The following DHCR24 variants were observed in gnomAD, a reference collection of about 807,000 sequenced individuals.
DHCR24 encodes the protein delta(24)-sterol reductase.
A neutral mutation model predicts 61.2 loss-of-function variants in DHCR24; 28 were observed. The ratio of observed to expected loss-of-function variants is 0.46; its 90% CI spans 0.34 to 0.63. DHCR24 has a LOEUF of 0.63. Among genes scored for constraint, DHCR24 ranks in the 20% least tolerant of loss-of-function variants. The pLI is 0.01. For synonymous variants in DHCR24, 261 were observed against 275.9 expected (o/e 0.95, Z 0.54); for missense variants, 538 against 679.1 (o/e 0.79, Z 2.31).
intron 6 of DHCR24, among the ~76,000 whole-genome samples, chr1:54,857,093 A>G (rs1409175578): frequency 6.6e-6 from 1 of 152,238 alleles, no homozygotes; most frequent in East Asian, 1.9e-4. Context: ...TTCCTTTTCC[A>G]GTCTTAGCCT....
chr1:54,867,119 C>T (rs1282898026), intron 5 of DHCR24, among the ~76,000 whole-genome samples: 1 of 152,204 alleles, frequency 6.6e-6, no homozygotes, highest in African/African-American at 2.4e-5. Context: ...CACACACCAG[C>T]TGAGGAGGCC....
intron 6 of DHCR24, among the ~76,000 whole-genome samples, chr1:54,858,165 G>A (rs6676774): frequency 0.42 from 64,239 of 152,230 alleles, 14,113 homozygotes; most frequent in Admixed American, 0.52. Context: ...GGAGGCACCC[G>A]TTCCCCCAGC....
chr1:54,884,097 A>T (rs904724368), intron 1 of DHCR24, among the ~76,000 whole-genome samples: 8 of 152,190 alleles, frequency 5.3e-5, no homozygotes, highest in Admixed American at 1.3e-4. Context: ...AAAAATGAGG[A>T]CCATTTACTG....
chr1:54,872,788 A>T (rs1647007043), intron 4 of DHCR24, among the ~76,000 whole-genome samples: 1 of 152,240 alleles, frequency 6.6e-6, no homozygotes, highest in Non-Finnish European at 1.5e-5. Context: ...ATAGGTCAAA[A>T]GACAGGGCCC....
At chr1:54,886,655 T>C in intron 1 of DHCR24, 1 of 1,497,062 alleles carries the variant, frequency 6.7e-7, no homozygotes, top group South Asian at 1.2e-5. Context: ...CCCTTCTTCA[T>C]CTCCCTCCAG....
intron 8 of DHCR24, among the ~76,000 whole-genome samples, chr1:54,852,645 C>A (rs1406467994): frequency 1.3e-5 from 2 of 152,194 alleles, no homozygotes; most frequent in Non-Finnish European, 2.9e-5. Flanking sequence ...GCTTCTGCCC[C>A]TCTGCTTGGC....
In DHCR24 at chr1:54,854,249, T is replaced by G. The variant is rs769563231; in HGVS notation, c.1021-15A>C. 5.6e-6 allele frequency: 9 copies of G among 1,608,096 alleles called. No homozygotes were observed. The highest frequency in any genetic ancestry group is 7.6e-6 in the Non-Finnish European group (9 of 1,177,158). On this transcript the variant is annotated splice_polypyrimidine_tract_variant and intron_variant, in intron 6 of 8. Transcript: ENST00000371269. ...GGGATAATGTCCTGGAAAACAAAGA[T>G]TAGGGTTGGAGAGAAAAAAACCAAC...
rs191483720 is a variant in DHCR24, at chr1:54,876,665, A to C, written c.388-618T>G. Reference sequence around the variant, plus strand: ...TGAGACTCCGTCTCAAACAAACAAAAAAAAAATTCACCCTTCCTAGTTCTT... The same window carrying C: ...TGAGACTCCGTCTCAAACAAACAAACAAAAAATTCACCCTTCCTAGTTCTT... On this transcript the variant is annotated intron_variant, in intron 2 of 8. Transcript: ENST00000371269. Among the ~76,000 whole-genome samples the C allele has an allele frequency of 2.6e-3, 390 of 151,986 alleles. 3 individuals carry two copies. The highest frequency in any genetic ancestry group is 6.8e-3 in the African/African-American group (284 of 41,462).
At chr1:54,852,606 A>AGAGTCAG (rs2101554090) in intron 8 of DHCR24, among the ~76,000 whole-genome samples, 1 of 152,326 alleles carries the variant, frequency 6.6e-6, no homozygotes, top group African/African-American at 2.4e-5. Flanking sequence ...CAGTGGAGGT[A>AGAGTCAG]GAGTCAGGAG....
chr1:54,878,514 C>CAAAAAAAAAAAAAAAAAAAAAAAAAA (rs56198608), intron 2 of DHCR24, among the ~76,000 whole-genome samples: 1 of 54,298 alleles, frequency 1.8e-5, no homozygotes, highest in Admixed American at 3.1e-4. Flanking sequence ...AACTCTGTCT[C>CAAAAAAAAAAAAAAAAAAAAAAAAAA]AAAAAAAAAA....
chr1:54,867,965 G>A (rs1646976284), intron 5 of DHCR24, among the ~76,000 whole-genome samples: 1 of 152,248 alleles, frequency 6.6e-6, no homozygotes, highest in Admixed American at 6.5e-5. Context: ...CCAGGAGTCA[G>A]AAGCTGGAAT....
rs1646880220 is a variant in DHCR24, at chr1:54,852,286, G to C, written c.1498C>G (p.Gln500Glu). ...TCGTACACCTCGGGGAAGGCGTCCT[G>C]GCAACCCAGCTTCTCTCGCAGCTTG... ...YHKLREKLGC[Q>E]DAFPEVYDKI... The change falls in exon 9 of 9, where the codon CAG (glutamine) becomes GAG (glutamate). Residue 500 changes from glutamine to glutamate, a missense_variant. By Grantham distance (29) the Gln-to-Glu change is conservative. Coordinates refer to ENST00000371269, the MANE Select transcript of DHCR24 (RefSeq NM_014762.4). 2.5e-6 allele frequency: 4 copies of C among 1,614,208 alleles called. No homozygotes were observed. Among genetic ancestry groups the C allele is most frequent in the African/African-American group, 1.3e-5 (1 of 75,070 alleles).
rs1003997326 is a variant in DHCR24 at position 54,859,338 on chromosome 1, T to C, written c.1021-5104A>G. ...ACCCAGATCAGCCACTCCCAAATCCTTGACCTTCAGAAACTATGATATAAT... is the reference window on the plus strand; with the variant it reads ...ACCCAGATCAGCCACTCCCAAATCCCTGACCTTCAGAAACTATGATATAAT... On this transcript the variant is annotated intron_variant, in intron 6 of 8. Transcript: ENST00000371269. 2.6e-5 allele frequency among the ~76,000 whole-genome samples: 4 copies of C among 152,228 alleles called. No individual in the cohort carries two copies. In the East Asian group the frequency reaches 5.8e-4, roughly 22 times the overall value.
At chr1:54,886,558 C>G in intron 1 of DHCR24, 1 of 1,330,416 alleles carries the variant, frequency 7.5e-7, no homozygotes, top group East Asian at 4.1e-5. Context: ...ATCTCTAGAC[C>G]CAGCTCCACC....
rs778868306 is a variant in DHCR24, at chr1:54,871,391, T to C, written c.835A>G (p.Ile279Val). Residue 279 changes from isoleucine to valine, a missense_variant, in exon 5 of 9, where the codon ATT becomes GTT. By Grantham distance (29) the Ile-to-Val change is conservative. Coordinates refer to ENST00000371269, the MANE Select transcript of DHCR24 (RefSeq NM_014762.4). The stretch of plus-strand genomic sequence containing the variant: ...TCATCTGTCATGACCCCTGTCATAA[T>C]GACAGCCTCATCCAGGGAGTAGAGC... ...GLLYSLDEAV[I>V]MTGVMTDEAE... 5.6e-6 allele frequency: 9 copies of C among 1,614,168 alleles called. 1 individual carries two copies. The East Asian group carries it at 8.9e-5, about 16-fold the overall frequency.
At chr1:54,854,295 T>C in intron 6 of DHCR24, 61 bp from the exon 7 acceptor site, 1 of 1,480,218 alleles carries the variant, frequency 6.8e-7, no homozygotes, top group East Asian at 2.3e-5. Context: ...TGTCTCCAAG[T>C]GCAAGGGGCC....
At chr1:54,882,308 A>C (rs921393135) in intron 2 of DHCR24, among the ~76,000 whole-genome samples, 2 of 152,188 alleles carry the variant, frequency 1.3e-5, no homozygotes, top group Non-Finnish European at 2.9e-5. Flanking sequence ...AAACTACTAC[A>C]CATCTATTAG....
rs973371311 is a variant in DHCR24, at chr1:54,887,148, G to A, written c.-29C>T. The A allele has an allele frequency of 2.6e-6, 4 of 1,532,148 alleles. No individual in the cohort carries two copies. Among genetic ancestry groups the A allele is most frequent in the African/African-American group, 1.4e-5 (1 of 72,732 alleles). 94.9% of individuals were successfully genotyped at this position (1,532,148 alleles called of 1,614,324 possible). On this transcript the variant is annotated 5_prime_UTR_variant, in exon 1 of 9. Transcript: ENST00000371269. ...GCGGCGCCGCGCGGTAAGCGCTGCG[G>A]GTTCGCGCCTCCTGTCACTGCCGCC... is the stretch of plus-strand genomic sequence containing the variant.
At chr1:54,856,338 C>G (rs552053607) in intron 6 of DHCR24, among the ~76,000 whole-genome samples, 2 of 152,324 alleles carry the variant, frequency 1.3e-5, no homozygotes, top group African/African-American at 4.8e-5. Context: ...TGGCTCATGC[C>G]TGTAATCCCA....
Sources: allele counts gnomAD v4.1 joint callset (sites outside exome capture counted in the v4.1 genomes callset), GRCh38; gene constraint gnomAD v4.1.1; transcripts MANE v1.5; gene names NCBI Gene and HGNC (gene_info 2026-07-23, HGNC 2026-07-21).